The following CADM1 variants were observed in gnomAD, a reference collection of about 807,000 sequenced individuals.
CADM1 encodes TSLC-1.
CADM1 carries 15 observed loss-of-function variants against 53.1 expected under a neutral mutation model. The ratio of observed to expected loss-of-function variants is 0.28; its 90% CI spans 0.19 to 0.44. CADM1 has a LOEUF of 0.44. Ranked by LOEUF, CADM1 falls within the 20% of genes least tolerant of loss-of-function variation. The pLI is 1.00. For synonymous variants in CADM1, 281 were observed against 243.0 expected (o/e 1.16, Z -1.45); for missense variants, 434 against 611.3 (o/e 0.71, Z 3.06).
At chr11:115,265,155 C>G (rs779863631) in intron 1 of CADM1, among the ~76,000 whole-genome samples, 1 of 152,168 alleles carries the variant, frequency 6.6e-6, no homozygotes, top group Non-Finnish European at 1.5e-5. Flanking sequence ...ACACTTACAT[C>G]AGGAAAACAG....
Position 115,460,881 on chromosome 11 carries a change from GTTCCT to G in CADM1, c.124+43385_124+43389del, listed in dbSNP as rs1026866941. On this transcript the variant is annotated intron_variant, in intron 1 of 11. Coordinates refer to ENST00000331581, the MANE Select transcript of CADM1 (RefSeq NM_001301043.2). ...GAAATCCATATACAGCCACAGCCTT[GTTCCT>G]TTCAAGTACGGATTAATTTATTTCA... Among the ~76,000 whole-genome samples the G allele has an allele frequency of 1.6e-4, 24 of 151,920 alleles. No homozygotes were observed. In the South Asian group the frequency reaches 3.1e-3, roughly 20 times the overall value.
intron 1 of CADM1, among the ~76,000 whole-genome samples, chr11:115,491,000 G>T (rs1175202230): frequency 3.9e-5 from 6 of 152,090 alleles, no homozygotes; most frequent in Admixed American, 3.9e-4. Context: ...GGACTGAGAT[G>T]TCCAAGAGGC....
chr11:115,329,649 G>C (rs1406779801), intron 1 of CADM1, among the ~76,000 whole-genome samples: 3 of 152,148 alleles, frequency 2.0e-5, no homozygotes, highest in African/African-American at 7.2e-5. Context: ...TTTTAGCTCT[G>C]CTGTCCACAG....
At chr11:115,256,022 T>C (rs1942775360) in intron 1 of CADM1, among the ~76,000 whole-genome samples, 1 of 152,252 alleles carries the variant, frequency 6.6e-6, no homozygotes, top group South Asian at 2.1e-4. Flanking sequence ...AGCTGAATTT[T>C]TGCTTACTTG....
At chr11:115,463,433 T>A (rs2135377811) in intron 1 of CADM1, among the ~76,000 whole-genome samples, 1 of 152,214 alleles carries the variant, frequency 6.6e-6, no homozygotes, top group African/African-American at 2.4e-5. Context: ...AAAGAAAAAA[T>A]CAATTCAAAG....
chr11:115,227,945 A>T (rs1941673485), intron 5 of CADM1, among the ~76,000 whole-genome samples: 1 of 152,262 alleles, frequency 6.6e-6, no homozygotes, highest in African/African-American at 2.4e-5. Context: ...AATTTGGAAA[A>T]AAAGTCTTTA....
At chr11:115,439,835 C>G (rs141846885) in intron 1 of CADM1, among the ~76,000 whole-genome samples, 99 of 152,290 alleles carry the variant, frequency 6.5e-4, no homozygotes, top group African/African-American at 2.2e-3. Context: ...TTTTTCCCAT[C>G]AAAACATTGG....
chr11:115,366,443 G>A (rs929612980), intron 1 of CADM1, among the ~76,000 whole-genome samples: 1 of 152,188 alleles, frequency 6.6e-6, no homozygotes, highest in African/African-American at 2.4e-5. Context: ...ATTTTGTAAG[G>A]TTGTAAAGAG....
At chr11:115,363,056 A>T (rs1946069705) in intron 1 of CADM1, among the ~76,000 whole-genome samples, 1 of 152,162 alleles carries the variant, frequency 6.6e-6, no homozygotes, top group Non-Finnish European at 1.5e-5. Flanking sequence ...AAAAAAAATC[A>T]CAGATTCACC....
intron 1 of CADM1, among the ~76,000 whole-genome samples, chr11:115,468,388 C>T (rs1259585618): frequency 1.3e-5 from 2 of 152,168 alleles, no homozygotes; most frequent in African/African-American, 4.8e-5. Flanking sequence ...AATGAAGACT[C>T]TCCTAGAACA....
intron 1 of CADM1, among the ~76,000 whole-genome samples, chr11:115,262,809 T>C (rs1943016493): frequency 6.6e-6 from 1 of 152,154 alleles, no homozygotes. Flanking sequence ...TTTTTTTCTT[T>C]AAACATTTTA....
chr11:115,455,707 G>T (rs1333187147), intron 1 of CADM1, among the ~76,000 whole-genome samples: 1 of 152,146 alleles, frequency 6.6e-6, no homozygotes, highest in Admixed American at 6.5e-5. Context: ...AAAAGAGACA[G>T]TCCCTTCAAA....
chr11:115,303,770 AAG>A (rs1944295525), intron 1 of CADM1, among the ~76,000 whole-genome samples: 1 of 152,046 alleles, frequency 6.6e-6, no homozygotes, highest in East Asian at 1.9e-4. Flanking sequence ...GCATTAGTGA[AAG>A]AGATTCTAAC....
At chr11:115,373,252 A>T (rs1216016962) in intron 1 of CADM1, among the ~76,000 whole-genome samples, 1 of 152,156 alleles carries the variant, frequency 6.6e-6, no homozygotes, top group Non-Finnish European at 1.5e-5. Flanking sequence ...GTTAAACAAG[A>T]AAAGAATTCA....
At chr11:115,426,338 C>T (rs1026873820) in intron 1 of CADM1, among the ~76,000 whole-genome samples, 2 of 152,110 alleles carry the variant, frequency 1.3e-5, no homozygotes, top group Non-Finnish European at 2.9e-5. Flanking sequence ...CTCTGACCCC[C>T]GGCCCCTTTT....
chr11:115,380,571 C>T (rs1946550306), intron 1 of CADM1, among the ~76,000 whole-genome samples: 1 of 152,126 alleles, frequency 6.6e-6, no homozygotes, highest in Non-Finnish European at 1.5e-5. Context: ...TTCTCTACCA[C>T]CAAAATAAAT....
chr11:115,462,446 C>G (rs1271330168), intron 1 of CADM1, among the ~76,000 whole-genome samples: 1 of 152,158 alleles, frequency 6.6e-6, no homozygotes, highest in African/African-American at 2.4e-5. Context: ...TTGGCTGAAT[C>G]ACCCAATCTG....
intron 1 of CADM1, among the ~76,000 whole-genome samples, chr11:115,441,510 A>G (rs1283303745): frequency 6.6e-6 from 1 of 152,206 alleles, no homozygotes; most frequent in Non-Finnish European, 1.5e-5. Flanking sequence ...GCTTGGAAAC[A>G]GTAGGTGGTT....
intron 10 of CADM1, among the ~76,000 whole-genome samples, chr11:115,181,313 G>C (rs1939302854): frequency 6.6e-6 from 1 of 152,150 alleles, no homozygotes; most frequent in Non-Finnish European, 1.5e-5. Flanking sequence ...TGCCCTCCAT[G>C]AACTTTGAGC....
Sources: gnomAD v4.1 joint callset for allele counts (sites outside exome capture counted in the v4.1 genomes callset) on GRCh38, gnomAD v4.1.1 for gene constraint, MANE v1.5 for transcripts, NCBI Gene and HGNC (gene_info 2026-07-23, HGNC 2026-07-21) for gene names.